PCDH7: variants seen among roughly 807,000 people sequenced by gnomAD.
The protein encoded by PCDH7 is protocadherin-7.
In PCDH7, 17 loss-of-function variants were observed where a neutral mutation model predicts 58.9. That is an observed-to-expected ratio of 0.29 (90% CI 0.20 to 0.43). PCDH7 has a LOEUF of 0.43. Ranked by LOEUF, PCDH7 falls within the 20% of genes least tolerant of loss-of-function variation. PCDH7 has a pLI of 1.00. For missense variants in PCDH7, 1,274 were observed against 1,441.0 expected (o/e 0.88, Z 1.88); for synonymous variants, 664 against 616.4 (o/e 1.08, Z -1.14).
intron 1 of PCDH7, among the ~76,000 whole-genome samples, chr4:30,818,165 A>C (rs1727927725): frequency 6.6e-6 from 1 of 151,904 alleles, no homozygotes; most frequent in Non-Finnish European, 1.5e-5. Context: ...CCTTCAGATC[A>C]CTCTATTTGA....
chr4:30,751,539 A>G (rs2109258671), intron 1 of PCDH7, among the ~76,000 whole-genome samples: 1 of 152,252 alleles, frequency 6.6e-6, no homozygotes, highest in South Asian at 2.1e-4. Flanking sequence ...AGATTTAAGG[A>G]AAGTTTATAG....
intron 1 of PCDH7, among the ~76,000 whole-genome samples, chr4:30,850,235 T>C (rs1364149394): frequency 2.6e-5 from 4 of 152,156 alleles, no homozygotes; most frequent in East Asian, 1.9e-4. Flanking sequence ...AAGGTTTTAG[T>C]GTATCTCAAT....
chr4:30,945,262 C>T (rs1052811178), intron 2 of PCDH7, among the ~76,000 whole-genome samples: 3 of 152,024 alleles, frequency 2.0e-5, no homozygotes, highest in Non-Finnish European at 4.4e-5. Flanking sequence ...TATGTGTGTG[C>T]ATGTATATTA....
intron 1 of PCDH7, among the ~76,000 whole-genome samples, chr4:30,867,739 G>T (rs1295977218): frequency 6.6e-6 from 1 of 152,018 alleles, no homozygotes; most frequent in Non-Finnish European, 1.5e-5. Context: ...ATGTCTATTT[G>T]TCCCTGTCAC....
At chr4:30,845,393 T>A (rs1249247597) in intron 1 of PCDH7, among the ~76,000 whole-genome samples, 2 of 152,196 alleles carry the variant, frequency 1.3e-5, no homozygotes, top group African/African-American at 4.8e-5. Flanking sequence ...TATGCATTTA[T>A]ATGTTTTAAC....
chr4:30,920,361 T>C (rs745560796), exon 2 of PCDH7: 10 of 1,366,942 alleles, frequency 7.3e-6, no homozygotes, highest in Non-Finnish European at 2.9e-6. Context: ...GCAGAGCATA[T>C]GGAAAATGGT....
In PCDH7 at chr4:30,894,506, TATATATATATACAC is replaced by T. The variant is rs1419323875; in HGVS notation, c.71-25645_71-25632del. 5.2e-3 allele frequency among the ~76,000 whole-genome samples: 262 copies of T among 50,332 alleles called. 2 individuals carry two copies. The highest frequency in any genetic ancestry group is 0.027 in the African/African-American group (231 of 8,640). The allele number at this position is 50,332 out of a possible 152,430, so 33.0% of individuals were successfully genotyped here. Reference sequence around the variant, plus strand: ...AAAAAAAAAAATATATATATATATATATATATATATACACACACACACACACACACACACACACA... The same window carrying T: ...AAAAAAAAAAATATATATATATATATACACACACACACACACACACACACA... On this transcript the variant is annotated intron_variant, in intron 1 of 3. Coordinates refer to the PCDH7 transcript ENST00000509759.
chr4:31,034,869 C>A (rs1161914565), intron 3 of PCDH7, among the ~76,000 whole-genome samples: 2 of 152,162 alleles, frequency 1.3e-5, no homozygotes, highest in Non-Finnish European at 2.9e-5. Context: ...AGCAGTTAGT[C>A]TTGGTGACAT....
chr4:31,113,467 T>C (rs950939916), intron 3 of PCDH7, among the ~76,000 whole-genome samples: 1 of 152,218 alleles, frequency 6.6e-6, no homozygotes, highest in African/African-American at 2.4e-5. Context: ...GTAGGACATG[T>C]TGGTAATATT....
intron 3 of PCDH7, among the ~76,000 whole-genome samples, chr4:30,970,896 C>T (rs1451213438): frequency 1.3e-5 from 2 of 152,228 alleles, no homozygotes; most frequent in East Asian, 3.9e-4. Context: ...GTTTTATGTT[C>T]CTCATGTGCA....
At chr4:30,928,757 C>A (rs949277065) in intron 2 of PCDH7, among the ~76,000 whole-genome samples, 1 of 152,088 alleles carries the variant, frequency 6.6e-6, no homozygotes, top group African/African-American at 2.4e-5. Context: ...GGCTGCACAT[C>A]CTCTCTCTTT....
At chr4:30,802,472 G>T (rs1218575712) in intron 1 of PCDH7, among the ~76,000 whole-genome samples, 1 of 151,976 alleles carries the variant, frequency 6.6e-6, no homozygotes, top group Non-Finnish European at 1.5e-5. Flanking sequence ...GTTAGAGGTT[G>T]AACAGGAAGG....
chr4:30,739,444 T>TA (rs940493134), intron 1 of PCDH7, among the ~76,000 whole-genome samples: 2 of 148,090 alleles, frequency 1.4e-5, no homozygotes, highest in Admixed American at 6.6e-5. Flanking sequence ...CAAATATATA[T>TA]TTTTTAAATT....
intron 1 of PCDH7, among the ~76,000 whole-genome samples, chr4:30,750,155 A>G (rs1437236349): frequency 6.6e-6 from 1 of 152,220 alleles, no homozygotes; most frequent in African/African-American, 2.4e-5. Context: ...TATAATGAGT[A>G]GTACCCACTC....
downstream of PCDH7, among the ~76,000 whole-genome samples, chr4:30,733,997 T>A (rs145478666): frequency 2.1e-3 from 319 of 152,220 alleles, 2 homozygotes; most frequent in African/African-American, 7.4e-3. Flanking sequence ...GCCACATATG[T>A]GATTAAAAAA....
chr4:30,988,321 T>C lies in PCDH7; in HGVS notation c.*7+38106T>C, dbSNP rs565334991. The stretch of plus-strand genomic sequence containing the variant: ...TGTATGATGAATTACTGAGAATAAT[T>C]AGACTCAGAATATTGTAATATATTA... On this transcript the variant is annotated intron_variant, in intron 3 of 3. Transcript: ENST00000509759. 8.5e-5 allele frequency among the ~76,000 whole-genome samples: 13 copies of C among 152,316 alleles called. No individual in the cohort carries two copies. The East Asian group carries it at 2.1e-3, about 25-fold the overall frequency.
intron 1 of PCDH7, among the ~76,000 whole-genome samples, chr4:30,752,907 T>C (rs1449654412): frequency 1.3e-5 from 2 of 152,008 alleles, no homozygotes; most frequent in Non-Finnish European, 2.9e-5. Flanking sequence ...TAAGTGGTAA[T>C]TCATTCTGCA....
At chr4:30,951,954 T>C (rs563117570) in intron 3 of PCDH7, among the ~76,000 whole-genome samples, 3 of 152,298 alleles carry the variant, frequency 2.0e-5, no homozygotes, top group African/African-American at 7.2e-5. Flanking sequence ...TCACTAAATG[T>C]TGATTAAATG....
At chr4:30,893,772 CTTA>C (rs1302296991) in intron 1 of PCDH7, among the ~76,000 whole-genome samples, 1 of 152,018 alleles carries the variant, frequency 6.6e-6, no homozygotes, top group Non-Finnish European at 1.5e-5. Flanking sequence ...CTAATTGTTC[CTTA>C]TTATACTATT....
Sources: gnomAD v4.1 joint callset for allele counts (sites outside exome capture counted in the v4.1 genomes callset) on GRCh38, gnomAD v4.1.1 for gene constraint, MANE v1.5 for transcripts, NCBI Gene and HGNC (gene_info 2026-07-23, HGNC 2026-07-21) for gene names.